NOX5: variants seen among roughly 807,000 people sequenced by gnomAD.
NOX5 encodes NADPH oxidase, EF-hand calcium binding domain 5.
In NOX5, 76 loss-of-function variants were observed where a neutral mutation model predicts 85.7. The observed-to-expected ratio is 0.89, with a 90% CI of 0.74 to 1.07. The LOEUF (loss-of-function observed/expected upper bound fraction) is 1.07, where lower values mean the gene tolerates loss of function less well. Among genes scored for constraint, NOX5 ranks in the 50% least tolerant of loss-of-function variants. NOX5 has a pLI of 0.00. For synonymous variants in NOX5, 405 were observed against 401.4 expected (o/e 1.01, Z -0.11); for missense variants, 973 against 999.5 (o/e 0.97, Z 0.36).
chr15:69,047,660 C>A, intron 12 of NOX5, 123 bp downstream of exon 12: 1 of 1,385,606 alleles, frequency 7.2e-7, no homozygotes, highest in Non-Finnish European at 9.8e-7. Flanking sequence ...GCTCTTCTCT[C>A]TCTTTCCTCT....
At chr15:69,048,902 G>A in intron 13 of NOX5, 57 bp from the exon 14 acceptor site, 5 of 1,310,428 alleles carry the variant, frequency 3.8e-6, no homozygotes, top group Non-Finnish European at 5.4e-6. Context: ...TTACAGATGT[G>A]AGCCTCCTGC....
At chr15:69,036,981 C>G (rs367742989) in intron 7 of NOX5, 47 bp from the exon 8 acceptor site, 369 of 1,489,838 alleles carry the variant, frequency 2.5e-4, no homozygotes, top group Non-Finnish European at 3.2e-4. Context: ...TGTTCCACCC[C>G]CCAGGCCTTG....
chr15:69,040,407 C>A (rs1366178199), intron 9 of NOX5, among the ~76,000 whole-genome samples: 2 of 151,960 alleles, frequency 1.3e-5, no homozygotes, highest in Non-Finnish European at 2.9e-5. Flanking sequence ...TTCCAGCTCT[C>A]TCTCTCTATC....
At chr15:69,047,171 C>A (rs1319140238) in intron 11 of NOX5, 11 of 578,396 alleles carry the variant, frequency 1.9e-5, no homozygotes, top group Non-Finnish European at 3.0e-5. Flanking sequence ...CCCAGGGATG[C>A]GAATTGGGTC....
intron 14 of NOX5, among the ~76,000 whole-genome samples, chr15:69,051,114 C>T (rs1037678888): frequency 2.6e-5 from 4 of 152,204 alleles, no homozygotes; most frequent in African/African-American, 9.6e-5. Flanking sequence ...CTCTTCCTTT[C>T]TGCAGTTCAC....
At chr15:69,025,554 C>T (rs116269230) in intron 1 of NOX5, among the ~76,000 whole-genome samples, 22 of 152,240 alleles carry the variant, frequency 1.4e-4, no homozygotes, top group African/African-American at 4.3e-4. Context: ...CAGATGACTA[C>T]GGATGGGCTG....
chr15:69,032,607 C>T lies in NOX5; in HGVS notation c.621-436C>T, dbSNP rs34134087. Reference sequence around the variant, plus strand: ...TGTATTTTTAGTAGAGACGGGGTTTCGCCATCTTGGCCAGGCTGGTCTCGA... The same window carrying T: ...TGTATTTTTAGTAGAGACGGGGTTTTGCCATCTTGGCCAGGCTGGTCTCGA... On this transcript the variant is annotated intron_variant, in intron 4 of 15. Coordinates refer to ENST00000388866, the MANE Select transcript of NOX5 (RefSeq NM_024505.4). Among the ~76,000 whole-genome samples, 374 of 152,114 alleles carry T rather than the reference C, an allele frequency of 2.5e-3. 1 individual carries two copies. Among genetic ancestry groups the T allele is most frequent in the Non-Finnish European group, 4.3e-3 (292 of 67,986 alleles).
At chr15:69,054,160 GCTCAAGC>G (rs946077592) in intron 14 of NOX5, among the ~76,000 whole-genome samples, 6 of 151,570 alleles carry the variant, frequency 4.0e-5, no homozygotes, top group Non-Finnish European at 7.4e-5. Flanking sequence ...TTGAACCGAC[GCTCAAGC>G]CTAAGGCAGC....
At position 69,033,044 on chromosome 15, in the gene NOX5, G is replaced by T. The variant is rs112225328; in HGVS notation, c.622G>T (p.Ala208Ser). 2 of 1,554,254 alleles carry T rather than the reference G, an allele frequency of 1.3e-6. No homozygotes were observed. The highest frequency in any genetic ancestry group is 1.4e-5 in the African/African-American group (1 of 70,622). The change falls in exon 5 of 16, where the codon GCT (alanine) becomes TCT (serine). Residue 208 changes from alanine (A) to serine (S), a missense_variant and splice_region_variant. Transcript: ENST00000388866. ...GAGCGGAACCCGCCTCTCTCGCAGC[G>T]CTGCCCACTGGCTGACGGCCCCCGC... ...PGVMENLTISAAHWLTAPAPR... is the reference protein window; with the variant it reads ...PGVMENLTISSAHWLTAPAPR...
At chr15:69,047,719 A>C in intron 12 of NOX5, 111 bp from the exon 13 acceptor site, 4 of 1,320,966 alleles carry the variant, frequency 3.0e-6, no homozygotes, top group Non-Finnish European at 4.2e-6. Flanking sequence ...CCCCTTCCTC[A>C]TAGAGTGGGC....
chr15:69,048,948 T>C lies in NOX5; in HGVS notation c.1900-11T>C. ...GACCCAGCCTCTGAGCTGAAGGGCCTCTCTCCGTAGGTGGACTTTATCTGG... is the reference window on the plus strand; with the variant it reads ...GACCCAGCCTCTGAGCTGAAGGGCCCCTCTCCGTAGGTGGACTTTATCTGG... On this transcript the variant is annotated splice_polypyrimidine_tract_variant and intron_variant, in intron 13 of 15. Coordinates refer to ENST00000388866, the MANE Select transcript of NOX5 (RefSeq NM_024505.4). 6.2e-7 allele frequency: 1 copy of C among 1,604,862 alleles called. No homozygotes were observed. Among genetic ancestry groups the C allele is most frequent in the Non-Finnish European group, 8.5e-7 (1 of 1,175,160 alleles).
At position 69,060,458 on chromosome 15, in the gene NOX5, C is replaced by T. The variant is rs2050861413; in HGVS notation, c.*3762C>T. The T allele has an allele frequency of 6.6e-6, 1 of 152,324 alleles. No individual in the cohort carries two copies. Among genetic ancestry groups the T allele is most frequent in the Admixed American group, 6.5e-5 (1 of 15,298 alleles). 9.4% of individuals were successfully genotyped at this position (152,324 alleles called of 1,614,324 possible). A position where few individuals can be genotyped will look rare whatever the true frequency, so the allele number is the denominator to read the frequency against. On this transcript the variant is annotated 3_prime_UTR_variant, in exon 16 of 16. Coordinates refer to ENST00000388866, the MANE Select transcript of NOX5 (RefSeq NM_024505.4). The stretch of plus-strand genomic sequence containing the variant: ...ATCATTTGACCTCTCTGAGTTCTCA[C>T]TTTCTTATTATAAAGTGAACAGATC...
chr15:69,055,301 C>A lies in NOX5; in HGVS notation c.2000-33C>A, dbSNP rs754874436. ...CCCTGCGCCCATGATGGGTACTAGA[C>A]CCTCAGTGCAGCCCTTGTCCCCTGC... is the stretch of plus-strand genomic sequence containing the variant. On this transcript the variant is annotated intron_variant, in intron 14 of 15. Coordinates refer to ENST00000388866, the MANE Select transcript of NOX5 (RefSeq NM_024505.4). 46 of 1,608,876 alleles carry A rather than the reference C, an allele frequency of 2.9e-5. No homozygotes were observed. The East Asian group carries it at 5.6e-4, about 20-fold the overall frequency.
chr15:69,028,086 C>T, intron 2 of NOX5, 129 bp from the exon 3 acceptor site: 1 of 963,234 alleles, frequency 1.0e-6, no homozygotes. Context: ...CACCTGAGTT[C>T]TGCCTGAATA....
At chr15:69,054,950 A>G (rs1295752734) in intron 14 of NOX5, among the ~76,000 whole-genome samples, 1 of 152,154 alleles carries the variant, frequency 6.6e-6, no homozygotes, top group Non-Finnish European at 1.5e-5. Flanking sequence ...TTGGCCAGGC[A>G]TGGTGGCTCA....
chr15:69,036,060 A>T, intron 7 of NOX5, 124 bp downstream of exon 7: 2 of 1,340,422 alleles, frequency 1.5e-6, no homozygotes, highest in Non-Finnish European at 1.0e-6. Context: ...TATTATTTGC[A>T]TGTGATTTGG....
chr15:69,037,277 C>A, intron 8 of NOX5, 67 bp downstream of exon 8: 1 of 1,443,414 alleles, frequency 6.9e-7, no homozygotes, highest in Non-Finnish European at 9.5e-7. Flanking sequence ...TGGGGTGGAG[C>A]AGCTGGATAC....
intron 4 of NOX5, among the ~76,000 whole-genome samples, chr15:69,032,736 G>A (rs2050454130): frequency 6.6e-6 from 1 of 151,986 alleles, no homozygotes; most frequent in Admixed American, 6.6e-5. Context: ...ACTTTCTTGG[G>A]GCTTACTTAC....
At chr15:69,019,150 A>G (rs951659021) in intron 1 of NOX5, among the ~76,000 whole-genome samples, 1 of 152,158 alleles carries the variant, frequency 6.6e-6, no homozygotes, top group Non-Finnish European at 1.5e-5. Context: ...GGCATGAGCC[A>G]CCACCCCCGG....
Sources: gnomAD v4.1 joint callset for allele counts (sites outside exome capture counted in the v4.1 genomes callset) on GRCh38, gnomAD v4.1.1 for gene constraint, MANE v1.5 for transcripts, NCBI Gene and HGNC (gene_info 2026-07-23, HGNC 2026-07-21) for gene names.